The following NRG3 variants were observed in gnomAD, a reference collection of about 807,000 sequenced individuals.
NRG3 encodes neuregulin 3.
A neutral mutation model predicts 66.9 loss-of-function variants in NRG3; 31 were observed. The observed-to-expected ratio is 0.46, with a 90% CI of 0.35 to 0.63. The LOEUF (loss-of-function observed/expected upper bound fraction) is 0.63. Ranked by LOEUF, NRG3 falls within the 20% of genes least tolerant of loss-of-function variation. NRG3 has a pLI of 0.00. For synonymous variants in NRG3, 393 were observed against 359.4 expected (o/e 1.09, Z -1.06); for missense variants, 910 against 878.9 (o/e 1.04, Z -0.45).
intron 2 of NRG3, among the ~76,000 whole-genome samples, chr10:82,508,812 C>A (rs1210650265): frequency 6.6e-6 from 1 of 152,160 alleles, no homozygotes; most frequent in African/African-American, 2.4e-5. Flanking sequence ...TAATGATGAC[C>A]CATTCCTGGG....
chr10:82,933,894 A>T (rs956027224), intron 4 of NRG3, among the ~76,000 whole-genome samples: 16 of 152,216 alleles, frequency 1.1e-4, no homozygotes, highest in African/African-American at 3.1e-4. Flanking sequence ...GAGATGTGGT[A>T]AGGCCAACTG....
chr10:82,503,456 A>G (rs1018104884), intron 2 of NRG3, among the ~76,000 whole-genome samples: 1 of 152,194 alleles, frequency 6.6e-6, no homozygotes, highest in Admixed American at 6.5e-5. Flanking sequence ...TTGGTAAGGC[A>G]TGTATATCTG....
At chr10:82,686,240 T>G (rs962733615) in intron 2 of NRG3, among the ~76,000 whole-genome samples, 2 of 151,850 alleles carry the variant, frequency 1.3e-5, no homozygotes, top group South Asian at 4.2e-4. Context: ...CTGGCTGGAG[T>G]GCAATGGCAT....
At chr10:82,762,877 C>T (rs1408396143) in intron 3 of NRG3, among the ~76,000 whole-genome samples, 1 of 152,146 alleles carries the variant, frequency 6.6e-6, no homozygotes, top group Non-Finnish European at 1.5e-5. Flanking sequence ...GAGTCAGGGC[C>T]GTTAAGAGGT....
Position 82,503,902 on chromosome 10 carries a change from T to A in NRG3, c.953+145034T>A, listed in dbSNP as rs192987154. On this transcript the variant is annotated intron_variant, in intron 2 of 8. Coordinates refer to ENST00000372141, the MANE Select transcript of NRG3 (RefSeq NM_001010848.4). Reference sequence around the variant, plus strand: ...GCTTTTGAACTAATGTAGTGGGGTGTACTTTAAAGGAGGCAGACGGCCTGG... The same window carrying A: ...GCTTTTGAACTAATGTAGTGGGGTGAACTTTAAAGGAGGCAGACGGCCTGG... 1.2e-3 allele frequency among the ~76,000 whole-genome samples: 178 copies of A among 152,270 alleles called. 1 individual carries two copies. Among genetic ancestry groups the A allele is most frequent in the African/African-American group, 4.0e-3 (166 of 41,546 alleles).
chr10:82,591,966 A>G (rs1038942202), intron 2 of NRG3, among the ~76,000 whole-genome samples: 2 of 152,204 alleles, frequency 1.3e-5, no homozygotes, highest in Non-Finnish European at 2.9e-5. Context: ...TCCAGTGCCA[A>G]CAAAGCATTT....
intron 1 of NRG3, among the ~76,000 whole-genome samples, chr10:82,351,656 C>T (rs2083445761): frequency 6.6e-6 from 1 of 152,188 alleles, no homozygotes; most frequent in South Asian, 2.1e-4. Flanking sequence ...ACATGCTACT[C>T]ACTGCTCACG....
chr10:82,316,893 C>G (rs193042816), intron 1 of NRG3, among the ~76,000 whole-genome samples: 1 of 152,236 alleles, frequency 6.6e-6, no homozygotes, highest in Non-Finnish European at 1.5e-5. Context: ...GAGCAGATTC[C>G]AGGCTTCTTA....
intron 2 of NRG3, among the ~76,000 whole-genome samples, chr10:82,432,173 G>T (rs563186507): frequency 1.3e-5 from 2 of 152,266 alleles, no homozygotes; most frequent in African/African-American, 2.4e-5. Context: ...TTATGCATAT[G>T]TGCAGATATT....
chr10:81,915,666 G>C (rs1845635104), intron 1 of NRG3, among the ~76,000 whole-genome samples: 1 of 152,120 alleles, frequency 6.6e-6, no homozygotes, highest in South Asian at 2.1e-4. Context: ...AGAATACTGA[G>C]TTAGCTTCCT....
At chr10:82,255,977 T>C (rs926210189) in intron 1 of NRG3, among the ~76,000 whole-genome samples, 1 of 150,966 alleles carries the variant, frequency 6.6e-6, no homozygotes, top group African/African-American at 2.4e-5. Context: ...AGGCTGGAGT[T>C]CAGTGGTGCA....
At chr10:82,570,549 G>C (rs1276658205) in intron 2 of NRG3, among the ~76,000 whole-genome samples, 1 of 151,494 alleles carries the variant, frequency 6.6e-6, no homozygotes, top group Non-Finnish European at 1.5e-5. Flanking sequence ...AGGTAGACCT[G>C]TTTTTTAACT....
chr10:82,419,241 A>G (rs2088874971), intron 2 of NRG3, among the ~76,000 whole-genome samples: 1 of 152,216 alleles, frequency 6.6e-6, no homozygotes, highest in African/African-American at 2.4e-5. Context: ...ATTTTAATAT[A>G]CTTTTCCTAA....
intron 1 of NRG3, among the ~76,000 whole-genome samples, chr10:81,972,607 TC>T (rs2059971405): frequency 6.6e-6 from 1 of 152,172 alleles, no homozygotes; most frequent in East Asian, 1.9e-4. Flanking sequence ...ATAGAAACTA[TC>T]ATGAAATAAA....
intron 2 of NRG3, among the ~76,000 whole-genome samples, chr10:82,674,225 A>G (rs1475800583): frequency 1.3e-5 from 2 of 152,214 alleles, no homozygotes; most frequent in Non-Finnish European, 2.9e-5. Context: ...AGAGAACTCA[A>G]TATGGAATTA....
chr10:82,390,981 C>T (rs527290183), intron 2 of NRG3, among the ~76,000 whole-genome samples: 60 of 152,160 alleles, frequency 3.9e-4, no homozygotes, highest in African/African-American at 1.4e-3. Context: ...CCCTGGCTTC[C>T]GGATTACAAA....
intron 2 of NRG3, among the ~76,000 whole-genome samples, chr10:82,629,343 G>A (rs1287664337): frequency 4.6e-5 from 7 of 152,098 alleles, no homozygotes; most frequent in Non-Finnish European, 8.8e-5. Context: ...GAAGGTTGAA[G>A]TACAAAAAAA....
At chr10:82,410,013 C>T (rs973353318) in intron 2 of NRG3, among the ~76,000 whole-genome samples, 3 of 152,158 alleles carry the variant, frequency 2.0e-5, no homozygotes, top group Admixed American at 1.3e-4. Flanking sequence ...CCTGCATGGT[C>T]TTCTGTGACC....
chr10:82,565,070 A>G (rs2045310521), intron 2 of NRG3, among the ~76,000 whole-genome samples: 1 of 152,120 alleles, frequency 6.6e-6, no homozygotes, highest in Admixed American at 6.6e-5. Flanking sequence ...AAGGATACGA[A>G]GTGGAAGGGC....
Sources: gnomAD v4.1 joint callset for allele counts (sites outside exome capture counted in the v4.1 genomes callset) on GRCh38, gnomAD v4.1.1 for gene constraint, MANE v1.5 for transcripts, NCBI Gene and HGNC (gene_info 2026-07-23, HGNC 2026-07-21) for gene names.